CAST: variants seen among roughly 807,000 people sequenced by gnomAD.
The protein encoded by CAST is MIR583 host.
CAST carries 76 observed loss-of-function variants against 119.6 expected under a neutral mutation model. That is an observed-to-expected ratio of 0.64 (90% confidence interval 0.53 to 0.77). The LOEUF (loss-of-function observed/expected upper bound fraction) is 0.77, where lower values mean the gene tolerates loss of function less well. Ranked by LOEUF, CAST falls within the 30% of genes least tolerant of loss-of-function variation. CAST has a pLI of 0.00. For missense variants in CAST, 953 were observed against 946.5 expected, an observed-to-expected ratio of 1.01 and a Z score of -0.09; for synonymous variants, 319 against 331.6, an observed-to-expected ratio of 0.96 and a Z score of 0.41.
intron 4 of CAST, among the ~76,000 whole-genome samples, chr5:96,722,945 T>C (rs184671466): frequency 1.5e-4 from 23 of 151,386 alleles, no homozygotes; most frequent in African/African-American, 5.3e-4. Flanking sequence ...TTGTTTTGTT[T>C]TGTTTTGTTT....
At chr5:96,649,991 A>G (rs558280825) in intron 1 of CAST, among the ~76,000 whole-genome samples, 179 of 152,346 alleles carry the variant, frequency 1.2e-3, no homozygotes, top group Non-Finnish European at 2.0e-3. Flanking sequence ...TAGCAACCTC[A>G]TAAGTTAGAT....
At chr5:96,737,194 A>G (rs1761840183) in intron 10 of CAST, among the ~76,000 whole-genome samples, 1 of 152,204 alleles carries the variant, frequency 6.6e-6, no homozygotes, top group Non-Finnish European at 1.5e-5. Flanking sequence ...TGGAGACATG[A>G]GCCAAACCAT....
At chr5:96,039,746 A>ATAT in the CAST span, among the ~76,000 whole-genome samples, 1 of 152,194 alleles carries the variant, frequency 6.6e-6, no homozygotes, top group Non-Finnish European at 1.5e-5. Flanking sequence ...CTGTTTTGAT[A>ATAT]CCAGTATCAT....
chr5:96,378,230 T>C, the CAST span, among the ~76,000 whole-genome samples: 3 of 152,114 alleles, frequency 2.0e-5, no homozygotes, highest in African/African-American at 7.2e-5. Flanking sequence ...ACAAAATGAA[T>C]AAATTCTGGA....
chr5:96,754,356 G>C (rs1366413591), intron 21 of CAST, among the ~76,000 whole-genome samples, 195 bp downstream of exon 21: 1 of 152,210 alleles, frequency 6.6e-6, no homozygotes, highest in Non-Finnish European at 1.5e-5. Context: ...ACAGTGGATG[G>C]TCGACATGCA....
intron 1 of CAST, among the ~76,000 whole-genome samples, chr5:96,634,821 T>C (rs1210055002): frequency 6.6e-6 from 1 of 152,218 alleles, no homozygotes. Flanking sequence ...TCAAAACTAT[T>C]TGTGACTAAA....
At chr5:96,633,451 TA>T (rs1331696731) in intron 1 of CAST, among the ~76,000 whole-genome samples, 1 of 152,246 alleles carries the variant, frequency 6.6e-6, no homozygotes, top group Non-Finnish European at 1.5e-5. Flanking sequence ...TTTCTAAGGT[TA>T]TTTTTTAATT....
chr5:96,639,130 A>G (rs576987236), intron 1 of CAST, among the ~76,000 whole-genome samples: 1 of 152,342 alleles, frequency 6.6e-6, no homozygotes, highest in South Asian at 2.1e-4. Context: ...AGACTTACTC[A>G]TCCCGTTCAT....
chr5:96,438,332 A>AACATTTGG, the CAST span, among the ~76,000 whole-genome samples: 1 of 152,178 alleles, frequency 6.6e-6, no homozygotes, highest in Admixed American at 6.5e-5. Flanking sequence ...CCATATTACT[A>AACATTTGG]TTAGCTAAAC....
the CAST span, among the ~76,000 whole-genome samples, chr5:96,281,281 A>G: frequency 6.6e-6 from 1 of 152,216 alleles, no homozygotes; most frequent in African/African-American, 2.4e-5. Context: ...TGAAAAACTC[A>G]AAAGGTAGCA....
At chr5:96,033,311 T>A in the CAST span, among the ~76,000 whole-genome samples, 161 of 151,776 alleles carry the variant, frequency 1.1e-3, 1 homozygote, top group African/African-American at 3.8e-3. Flanking sequence ...TAAAAAAAAA[T>A]TATGAAACCA....
At chr5:96,356,038 A>G in the CAST span, among the ~76,000 whole-genome samples, 1 of 152,114 alleles carries the variant, frequency 6.6e-6, no homozygotes, top group Non-Finnish European at 1.5e-5. Flanking sequence ...TCTAACTGGC[A>G]TGAGATGGTA....
At chr5:96,153,844 G>A in the CAST span, among the ~76,000 whole-genome samples, 3 of 152,220 alleles carry the variant, frequency 2.0e-5, no homozygotes, top group African/African-American at 7.2e-5. Context: ...GACCAAATGT[G>A]TTCAATATTC....
At chr5:96,052,545 G>A in the CAST span, among the ~76,000 whole-genome samples, 1 of 152,180 alleles carries the variant, frequency 6.6e-6, no homozygotes, top group African/African-American at 2.4e-5. Flanking sequence ...GTACTAATTT[G>A]TAAAACCTTG....
At chr5:96,650,696 G>A (rs975937500) in intron 1 of CAST, among the ~76,000 whole-genome samples, 1 of 149,862 alleles carries the variant, frequency 6.7e-6, no homozygotes, top group Non-Finnish European at 1.5e-5. Flanking sequence ...TTCCATATAT[G>A]TAATTTGTCT....
the CAST span, among the ~76,000 whole-genome samples, chr5:96,305,786 C>T: frequency 6.6e-6 from 1 of 151,736 alleles, no homozygotes; most frequent in Non-Finnish European, 1.5e-5. Context: ...GCCAGCCTTG[C>T]ATCCCAGGGA....
intron 1 of CAST, among the ~76,000 whole-genome samples, chr5:96,621,969 CT>C (rs35728460): frequency 4.2e-3 from 480 of 113,672 alleles, no homozygotes; most frequent in African/African-American, 0.013. Flanking sequence ...CTTTTTTTCT[CT>C]TTTTTTTTTT....
chr5:96,365,978 T>G, the CAST span, among the ~76,000 whole-genome samples: 1 of 152,354 alleles, frequency 6.6e-6, no homozygotes, highest in East Asian at 1.9e-4. Context: ...GTTGTTCCTT[T>G]CCATGTTTAG....
intron 1 of CAST, among the ~76,000 whole-genome samples, chr5:96,576,917 T>C (rs911858545): frequency 2.0e-5 from 3 of 152,178 alleles, no homozygotes; most frequent in East Asian, 3.9e-4. Context: ...TTGCTGCACC[T>C]AACAACCCAT....
Sources: allele counts gnomAD v4.1 joint callset (sites outside exome capture counted in the v4.1 genomes callset), GRCh38; gene constraint gnomAD v4.1.1; transcripts MANE v1.5; gene names NCBI Gene and HGNC (gene_info 2026-07-23, HGNC 2026-07-21).